ACTR3C: variants seen among roughly 807,000 people sequenced by gnomAD.
The protein encoded by ACTR3C is actin-related protein 3C.
Under a neutral mutation model 26.3 loss-of-function variants are expected in ACTR3C, and 18 were observed. That is an observed-to-expected ratio of 0.68 (90% confidence interval 0.47 to 1.01). The LOEUF is 1.01. Ranked by LOEUF, ACTR3C falls within the 50% of genes least tolerant of loss-of-function variation. ACTR3C has a pLI of 0.00. For synonymous variants in ACTR3C, 55 were observed against 94.5 expected (o/e 0.58, Z 2.42); for missense variants, 184 against 250.7 (o/e 0.73, Z 1.80).
At chr7:150,158,221 A>T in the ACTR3C span, among the ~76,000 whole-genome samples, 2 of 152,140 alleles carry the variant, frequency 1.3e-5, no homozygotes, top group African/African-American at 4.8e-5. Flanking sequence ...AAGAAAAGGG[A>T]AAAACTGCAT....
At chr7:150,072,941 AAAT>A in the ACTR3C span, among the ~76,000 whole-genome samples, 1 of 152,290 alleles carries the variant, frequency 6.6e-6, no homozygotes, top group Non-Finnish European at 1.5e-5. Context: ...CAGGGAGAAC[AAAT>A]AAGACAGCAA....
At chr7:150,048,546 G>A in the ACTR3C span, among the ~76,000 whole-genome samples, 1 of 145,480 alleles carries the variant, frequency 6.9e-6, no homozygotes, top group Non-Finnish European at 1.6e-5. Flanking sequence ...AGTGCTGCGC[G>A]TGCCCCGCAG....
the ACTR3C span, among the ~76,000 whole-genome samples, chr7:150,089,104 T>A: frequency 6.6e-6 from 1 of 152,192 alleles, no homozygotes; most frequent in Non-Finnish European, 1.5e-5. Context: ...AGTGAACAAA[T>A]AAAATTTTTA....
the ACTR3C span, among the ~76,000 whole-genome samples, chr7:149,912,362 A>C: frequency 1.6e-4 from 25 of 152,026 alleles, 1 homozygote; most frequent in African/African-American, 5.3e-4. Context: ...GAATGTTCAG[A>C]TTCTTAAGTC....
the ACTR3C span, among the ~76,000 whole-genome samples, chr7:150,061,313 T>C: frequency 6.9e-6 from 1 of 144,284 alleles, no homozygotes; most frequent in African/African-American, 2.6e-5. Flanking sequence ...CCTGTCTTCT[T>C]GGAGAACAGG....
chr7:150,084,240 A>G, the ACTR3C span, among the ~76,000 whole-genome samples: 1 of 28,830 alleles, frequency 3.5e-5, no homozygotes, highest in Non-Finnish European at 9.5e-5. Context: ...GCTTCTCTGA[A>G]AAAAAAAAAA....
At chr7:150,312,965 C>A (rs1457565154) in intron 1 of ACTR3C, among the ~76,000 whole-genome samples, 1 of 152,114 alleles carries the variant, frequency 6.6e-6, no homozygotes. Flanking sequence ...ACTGATTGAC[C>A]AACCTTATGA....
chr7:150,276,176 T>C (rs1028239899), intron 6 of ACTR3C, among the ~76,000 whole-genome samples: 7 of 152,212 alleles, frequency 4.6e-5, no homozygotes, highest in Non-Finnish European at 1.0e-4. Flanking sequence ...AAATAAAATC[T>C]ATATTAACAG....
the ACTR3C span, among the ~76,000 whole-genome samples, chr7:150,040,237 A>C: frequency 1.3e-4 from 19 of 147,276 alleles, no homozygotes; most frequent in Middle Eastern, 6.9e-3. Context: ...CATCCTTTAG[A>C]AACCTGTCTA....
chr7:150,082,951 T>TC, the ACTR3C span, among the ~76,000 whole-genome samples: 1 of 140,598 alleles, frequency 7.1e-6, no homozygotes, highest in African/African-American at 2.7e-5. Context: ...TTTTTTCTTT[T>TC]TTTTTTTTTT....
At chr7:150,187,976 T>C in the ACTR3C span, among the ~76,000 whole-genome samples, 1 of 152,022 alleles carries the variant, frequency 6.6e-6, no homozygotes, top group Non-Finnish European at 1.5e-5. Context: ...GCAACAAATA[T>C]AATTGAGTGT....
chr7:149,883,531 G>GA, the ACTR3C span, among the ~76,000 whole-genome samples: 1 of 151,940 alleles, frequency 6.6e-6, no homozygotes, highest in East Asian at 1.9e-4. Flanking sequence ...AAGCCACTGA[G>GA]AAAAAAAAGT....
At chr7:150,183,867 TC>T in the ACTR3C span, among the ~76,000 whole-genome samples, 1 of 150,008 alleles carries the variant, frequency 6.7e-6, no homozygotes, top group Non-Finnish European at 1.5e-5. Flanking sequence ...TGGGTGTGGT[TC>T]CCCCCAGGCT....
At chr7:150,096,388 G>A in the ACTR3C span, among the ~76,000 whole-genome samples, 1 of 151,280 alleles carries the variant, frequency 6.6e-6, no homozygotes, top group Non-Finnish European at 1.5e-5. Flanking sequence ...CCAGGAAATA[G>A]CAGGTGCTTC....
chr7:150,008,237 G>A, the ACTR3C span, among the ~76,000 whole-genome samples: 2 of 152,172 alleles, frequency 1.3e-5, no homozygotes, highest in Admixed American at 6.5e-5. Flanking sequence ...ATTCTGAATT[G>A]TCTGAGGACA....
the ACTR3C span, chr7:149,891,199 A>G: frequency 1.0e-6 from 1 of 982,578 alleles, no homozygotes; most frequent in African/African-American, 1.6e-5. Flanking sequence ...ACCATTAAAA[A>G]ATAATGGTCC....
chr7:150,037,524 C>T, the ACTR3C span, among the ~76,000 whole-genome samples: 3 of 55,952 alleles, frequency 5.4e-5, 1 homozygote, highest in Non-Finnish European at 1.2e-4. Context: ...TCTCAGTCCC[C>T]ACCTTCGCGG....
At chr7:150,038,395 T>G in the ACTR3C span, among the ~76,000 whole-genome samples, 3 of 141,816 alleles carry the variant, frequency 2.1e-5, 1 homozygote, top group Non-Finnish European at 4.6e-5. Flanking sequence ...TCGGGTGGGC[T>G]GCCAGAAGAT....
intron 1 of ACTR3C, among the ~76,000 whole-genome samples, chr7:150,321,771 ATAAAGTG>A (rs578144648): frequency 6.6e-6 from 1 of 152,310 alleles, no homozygotes; most frequent in South Asian, 2.1e-4. Flanking sequence ...AAAAACTTGG[ATAAAGTG>A]TAAAGATAAA....
Sources: allele counts gnomAD v4.1 joint callset (sites outside exome capture counted in the v4.1 genomes callset), GRCh38; gene constraint gnomAD v4.1.1; transcripts MANE v1.5; gene names NCBI Gene and HGNC (gene_info 2026-07-23, HGNC 2026-07-21).